The following CNBD1 variants were observed in gnomAD, a reference collection of about 807,000 sequenced individuals.
CNBD1 encodes cyclic nucleotide binding domain containing 1.
In CNBD1, 71 loss-of-function variants were observed where a neutral mutation model predicts 54.4. The observed-to-expected ratio is 1.30, with a 90% CI of 1.08 to 1.59. The LOEUF (loss-of-function observed/expected upper bound fraction) is 1.59. Among genes scored for constraint, CNBD1 ranks in the 40% most tolerant of loss-of-function variants. The pLI is 0.00. For missense variants in CNBD1, 659 were observed against 518.0 expected (o/e 1.27, Z -2.64); for synonymous variants, 182 against 170.7 (o/e 1.07, Z -0.51).
chr8:87,214,762 A>G (rs891600289), intron 5 of CNBD1, among the ~76,000 whole-genome samples: 3 of 152,218 alleles, frequency 2.0e-5, no homozygotes, highest in African/African-American at 7.2e-5. Flanking sequence ...CAGGCAACAG[A>G]GAATGAGAGC....
At chr8:86,969,938 A>AT (rs568316399) in intron 4 of CNBD1, among the ~76,000 whole-genome samples, 22 of 151,126 alleles carry the variant, frequency 1.5e-4, no homozygotes, top group Non-Finnish European at 3.0e-4. Context: ...ATTTCTTTTC[A>AT]TTTTTTTTCT....
At chr8:86,940,192 A>G (rs1428647908) in intron 4 of CNBD1, among the ~76,000 whole-genome samples, 4 of 118,714 alleles carry the variant, frequency 3.4e-5, no homozygotes, top group African/African-American at 1.3e-4. Context: ...GTGCAATGGC[A>G]CAGTTTCGGC....
chr8:87,193,435 C>T (rs537907952), intron 4 of CNBD1, among the ~76,000 whole-genome samples: 52 of 152,250 alleles, frequency 3.4e-4, no homozygotes, highest in Non-Finnish European at 6.0e-4. Flanking sequence ...AATCTTAGTC[C>T]GTCTTTAATT....
At chr8:87,240,258 A>G (rs956085549) in intron 6 of CNBD1, among the ~76,000 whole-genome samples, 1 of 152,190 alleles carries the variant, frequency 6.6e-6, no homozygotes, top group Non-Finnish European at 1.5e-5. Flanking sequence ...GAAGATTCTC[A>G]ATAATTATTA....
intron 4 of CNBD1, among the ~76,000 whole-genome samples, chr8:87,060,816 A>C (rs533896170): frequency 5.8e-4 from 88 of 152,282 alleles, no homozygotes; most frequent in African/African-American, 2.1e-3. Flanking sequence ...GAGCAAATCC[A>C]ATCTGTAAAT....
chr8:87,427,388 A>T (rs182471864), intron 2 of CNBD1, among the ~76,000 whole-genome samples: 4 of 152,258 alleles, frequency 2.6e-5, no homozygotes, highest in East Asian at 3.9e-4. Flanking sequence ...ATGAATATTG[A>T]TTATTCAGTA....
chr8:87,428,649 C>T (rs1190824559), intron 3 of CNBD1: 4 of 443,678 alleles, frequency 9.0e-6, no homozygotes, highest in Non-Finnish European at 1.8e-5. Flanking sequence ...AAATGTCACT[C>T]TTCATAGTAA....
rs570931208 is a variant in CNBD1 at position 86,988,103 on chromosome 8, G to T, written c.431+48349G>T. Among the ~76,000 whole-genome samples the T allele has an allele frequency of 3.4e-5, 5 of 149,160 alleles. No individual in the cohort carries two copies. The East Asian group carries it at 9.8e-4, about 29-fold the overall frequency. Reference sequence around the variant, plus strand: ...TTCTTTGTACATATGGTAGAATTTGGCTGTGAATCAATCTGGTCCAGGGCA... The same window carrying T: ...TTCTTTGTACATATGGTAGAATTTGTCTGTGAATCAATCTGGTCCAGGGCA... On this transcript the variant is annotated intron_variant, in intron 4 of 10. Coordinates refer to ENST00000518476, the MANE Select transcript of CNBD1 (RefSeq NM_173538.3).
intron 4 of CNBD1, among the ~76,000 whole-genome samples, chr8:87,141,348 C>T (rs1812365646): frequency 6.6e-6 from 1 of 151,924 alleles, no homozygotes; most frequent in South Asian, 2.1e-4. Context: ...TTCTATGTTC[C>T]ATGAAGAGGA....
At chr8:87,345,645 G>A (rs970459803) in intron 8 of CNBD1, among the ~76,000 whole-genome samples, 1 of 152,048 alleles carries the variant, frequency 6.6e-6, no homozygotes, top group African/African-American at 2.4e-5. Context: ...TCACTTAAAT[G>A]GTGTCAGAAT....
intron 4 of CNBD1, among the ~76,000 whole-genome samples, chr8:87,003,149 A>G (rs897654909): frequency 6.6e-6 from 1 of 152,166 alleles, no homozygotes; most frequent in African/African-American, 2.4e-5. Context: ...GATCTGAAAA[A>G]CAATATTAAA....
intron 4 of CNBD1, among the ~76,000 whole-genome samples, chr8:87,003,131 A>G: frequency 6.6e-6 from 1 of 152,228 alleles, no homozygotes; most frequent in East Asian, 1.9e-4. Context: ...GAATACTTTT[A>G]CAGCAGAGAT....
intron 1 of CNBD1, among the ~76,000 whole-genome samples, chr8:86,876,737 T>G (rs978898677): frequency 2.6e-5 from 4 of 151,976 alleles, no homozygotes; most frequent in African/African-American, 9.7e-5. Context: ...GCTTCACTAT[T>G]TTTACTTTAT....
chr8:86,899,010 A>G (rs749878106), intron 2 of CNBD1, among the ~76,000 whole-genome samples: 5 of 152,208 alleles, frequency 3.3e-5, no homozygotes, highest in Admixed American at 6.5e-5. Context: ...GAAGAATGAG[A>G]TCTTGCCATT....
downstream of CNBD1, among the ~76,000 whole-genome samples, chr8:87,383,495 G>A (rs1208378438): frequency 1.3e-5 from 2 of 152,094 alleles, no homozygotes; most frequent in African/African-American, 4.8e-5. Flanking sequence ...CCACATGGAG[G>A]AAATATAGAG....
chr8:86,972,456 G>A (rs1808245963), intron 4 of CNBD1, among the ~76,000 whole-genome samples: 1 of 152,212 alleles, frequency 6.6e-6, no homozygotes, highest in South Asian at 2.1e-4. Flanking sequence ...TTGCAACTTT[G>A]TAGATATAAC....
Position 87,166,739 on chromosome 8 carries a change from T to G in CNBD1, c.432-39254T>G, listed in dbSNP as rs1812971489. Among the ~76,000 whole-genome samples, 1 of 151,876 alleles carries G rather than the reference T, an allele frequency of 6.6e-6. No individual in the cohort carries two copies. The highest frequency in any genetic ancestry group is 2.4e-5 in the African/African-American group (1 of 41,420). ...TTCCTAACTAGGCTTGTTACAAAATTTTATGACAGCCTCCGTTGCATATTT... is the reference window on the plus strand; with the variant it reads ...TTCCTAACTAGGCTTGTTACAAAATGTTATGACAGCCTCCGTTGCATATTT... On this transcript the variant is annotated intron_variant, in intron 4 of 10. Transcript: ENST00000518476. This position sits in a 1 kb window ranked among gnomAD's most constrained non-coding sequence, Gnocchi z 4.3.
intron 6 of CNBD1, among the ~76,000 whole-genome samples, chr8:87,276,677 A>T (rs1808487222): frequency 6.6e-6 from 1 of 151,884 alleles, no homozygotes; most frequent in South Asian, 2.1e-4. Context: ...CACCAAATTA[A>T]TAACAGTTTG....
intron 2 of CNBD1, among the ~76,000 whole-genome samples, chr8:87,388,239 GAA>G (rs765684471): frequency 1.4e-4 from 21 of 152,072 alleles, no homozygotes; most frequent in Non-Finnish European, 3.1e-4. Context: ...CAGAAGGCAA[GAA>G]ATAACTAAAA....
Sources: gnomAD v4.1 joint callset for allele counts (sites outside exome capture counted in the v4.1 genomes callset) on GRCh38, gnomAD v4.1.1 for gene constraint, Gnocchi (gnomAD v3.1) non-coding constraint, MANE v1.5 for transcripts, NCBI Gene and HGNC (gene_info 2026-07-23, HGNC 2026-07-21) for gene names.